Variants in PPP1R9A observed in about 807,000 individuals in gnomAD.
The protein encoded by PPP1R9A is protein phosphatase 1 regulatory subunit 9A.
In PPP1R9A, 59 loss-of-function variants were observed where a neutral mutation model predicts 141.9. The observed-to-expected ratio is 0.42, with a 90% CI of 0.34 to 0.52. PPP1R9A has a LOEUF of 0.52. PPP1R9A is among the 20% of genes least tolerant of loss of function. The pLI is 0.10. For synonymous variants in PPP1R9A, 500 were observed against 569.7 expected (o/e 0.88, Z 1.74); for missense variants, 1,444 against 1,611.9 (o/e 0.90, Z 1.78).
intron 2 of PPP1R9A, among the ~76,000 whole-genome samples, chr7:95,026,270 C>G (rs541835533): frequency 6.6e-6 from 1 of 152,132 alleles, no homozygotes; most frequent in East Asian, 1.9e-4. Context: ...GTGTGCACAT[C>G]CTTTTTGTTG....
rs769147347 is a variant in PPP1R9A, at chr7:94,910,986, G to C, written c.873G>C (p.Ser291=). The change falls in exon 2 of 20, where the codon TCG becomes TCC. Residue 291 remains serine (S), a synonymous_variant. Transcript: ENST00000433360. This position sits in a 1 kb window ranked among gnomAD's most constrained non-coding sequence, Gnocchi z 4.5. ...EVASKSTSLA[S]IPGEEIQQSK... ...CTTCTAAAAGTACCTCTCTAGCTTCGATACCTGGTGAAGAGATCCAGCAGA... is the reference window on the plus strand; with the variant it reads ...CTTCTAAAAGTACCTCTCTAGCTTCCATACCTGGTGAAGAGATCCAGCAGA... 6 of 1,613,908 alleles carry C rather than the reference G, an allele frequency of 3.7e-6. No homozygotes were observed. Among genetic ancestry groups the C allele is most frequent in the Non-Finnish European group, 5.1e-6 (6 of 1,180,012 alleles).
chr7:95,167,253 A>G (rs1231202816), intron 5 of PPP1R9A, among the ~76,000 whole-genome samples: 1 of 152,140 alleles, frequency 6.6e-6, no homozygotes, highest in Non-Finnish European at 1.5e-5. Flanking sequence ...AGACCCATTC[A>G]CTATCACAAG....
At chr7:94,961,794 A>T (rs1424925198) in intron 2 of PPP1R9A, among the ~76,000 whole-genome samples, 4 of 152,088 alleles carry the variant, frequency 2.6e-5, no homozygotes, top group Admixed American at 6.5e-5. Context: ...AATTAAGCAC[A>T]AATCGTAGAA....
chr7:95,056,407 T>G (rs1035229313), intron 2 of PPP1R9A, among the ~76,000 whole-genome samples: 9 of 152,164 alleles, frequency 5.9e-5, no homozygotes, highest in Non-Finnish European at 7.4e-5. Context: ...ATAATTTCAG[T>G]ATAACACTGG....
At chr7:95,071,042 A>G (rs1813749360) in intron 2 of PPP1R9A, among the ~76,000 whole-genome samples, 1 of 151,958 alleles carries the variant, frequency 6.6e-6, no homozygotes, top group Non-Finnish European at 1.5e-5. Context: ...ATCAAACTGG[A>G]AGGTAGTTTT....
intron 5 of PPP1R9A, among the ~76,000 whole-genome samples, chr7:95,165,837 A>G (rs891613059): frequency 6.6e-6 from 1 of 152,172 alleles, no homozygotes; most frequent in African/African-American, 2.4e-5. Flanking sequence ...GGGCTTAAAG[A>G]AGAAAACTAT....
chr7:95,145,748 G>A (rs1186389279), intron 4 of PPP1R9A, among the ~76,000 whole-genome samples: 1 of 152,156 alleles, frequency 6.6e-6, no homozygotes, highest in Non-Finnish European at 1.5e-5. Context: ...AGAACATGTG[G>A]TGTTTGGTTT....
At chr7:95,032,776 G>A (rs1807867852) in intron 2 of PPP1R9A, among the ~76,000 whole-genome samples, 1 of 152,046 alleles carries the variant, frequency 6.6e-6, no homozygotes, top group Admixed American at 6.5e-5. Context: ...ACAAAAGTGT[G>A]TAAAACTGTC....
At chr7:95,209,789 A>G (rs987450735) in intron 7 of PPP1R9A, among the ~76,000 whole-genome samples, 8 of 152,194 alleles carry the variant, frequency 5.3e-5, no homozygotes, top group African/African-American at 1.9e-4. Flanking sequence ...TATAAACACC[A>G]TATTTTTCAA....
chr7:95,078,872 G>A (rs543225345), intron 2 of PPP1R9A, among the ~76,000 whole-genome samples: 3 of 151,976 alleles, frequency 2.0e-5, no homozygotes, highest in Admixed American at 6.6e-5. Context: ...TGTAGATTCT[G>A]GATATTAGCC....
chr7:95,030,779 TCTTC>T (rs1328812468), intron 2 of PPP1R9A, among the ~76,000 whole-genome samples: 1 of 152,198 alleles, frequency 6.6e-6, no homozygotes, highest in Non-Finnish European at 1.5e-5. Context: ...AATCTCTTAC[TCTTC>T]CTTTAGAAGG....
At chr7:95,077,682 A>G (rs1001019976) in intron 2 of PPP1R9A, among the ~76,000 whole-genome samples, 1 of 152,226 alleles carries the variant, frequency 6.6e-6, no homozygotes. Flanking sequence ...TAAGGGAGGT[A>G]TGTAAGAAAT....
At position 94,911,279 on chromosome 7, in the gene PPP1R9A, A is replaced by C. The variant is rs771016987; in HGVS notation, c.1166A>C (p.Asn389Thr). ...AAAGAAGTACCTGAAGATTCAAATA[A>C]TTTTGATGGTTCCCATGTGTACATG... ...CGKEVPEDSN[N>T]FDGSHVYMHS... Residue 389 changes from asparagine (N) to threonine (T), a missense_variant, in exon 2 of 20, where the codon AAT becomes ACT. Around this residue, in one of 5 missense-constraint regions of PPP1R9A, gnomAD observed 490 missense variants for 521.1 expected, o/e 0.94. Transcript: ENST00000433360. 6.2e-7 allele frequency: 1 copy of C among 1,614,116 alleles called. No homozygotes were observed. The highest frequency in any genetic ancestry group is 1.7e-5 in the Admixed American group (1 of 60,028).
chr7:95,024,664 G>A (rs1305363961), intron 2 of PPP1R9A, among the ~76,000 whole-genome samples: 1 of 151,868 alleles, frequency 6.6e-6, no homozygotes, highest in Non-Finnish European at 1.5e-5. Context: ...TTGAGCCTAT[G>A]TGTATCTTAG....
chr7:95,275,236 C>G (rs185736272), intron 16 of PPP1R9A, among the ~76,000 whole-genome samples: 1 of 151,798 alleles, frequency 6.6e-6, no homozygotes, highest in Non-Finnish European at 1.5e-5. Flanking sequence ...GGCGAAACCC[C>G]GTCTCTACCA....
rs117526078 is a variant in PPP1R9A, at chr7:95,156,645, T to A, written c.1650-5222T>A. On this transcript the variant is annotated intron_variant, in intron 4 of 19. Transcript: ENST00000433360. ...ACAGCCAGGATGTTCCAATGAGAGT[T>A]CAGCTCCTAGCAGAAAGGAGACCCT... The A allele has an allele frequency of 9.5e-3, 1,445 of 152,338 alleles. 12 individuals are homozygous for A. The highest frequency in any genetic ancestry group is 0.014 in the Non-Finnish European group (960 of 68,130). 9.4% of individuals were successfully genotyped at this position (152,338 alleles called of 1,614,324 possible).
chr7:94,919,787 A>G (rs1792558823), intron 2 of PPP1R9A, among the ~76,000 whole-genome samples: 2 of 152,140 alleles, frequency 1.3e-5, no homozygotes, highest in Admixed American at 6.5e-5. Flanking sequence ...ATATTACTAT[A>G]TAGTCTATAT....
At chr7:94,968,258 C>T (rs1434555907) in intron 2 of PPP1R9A, among the ~76,000 whole-genome samples, 4 of 151,640 alleles carry the variant, frequency 2.6e-5, no homozygotes, top group Middle Eastern at 3.2e-3. Flanking sequence ...CTGCAAGCTC[C>T]GCCTCCCGGG....
intron 2 of PPP1R9A, among the ~76,000 whole-genome samples, chr7:94,928,056 C>G (rs1023116574): frequency 7.2e-5 from 11 of 152,124 alleles, no homozygotes; most frequent in African/African-American, 2.7e-4. Flanking sequence ...TGCTCCTAAG[C>G]AGGGGAGTCT....
Sources: gnomAD v4.1 joint callset for allele counts (sites outside exome capture counted in the v4.1 genomes callset) on GRCh38, gnomAD v4.1.1 for gene constraint, gnomAD v4.1.1 regional missense constraint, Gnocchi (gnomAD v3.1) non-coding constraint, MANE v1.5 for transcripts, NCBI Gene and HGNC (gene_info 2026-07-23, HGNC 2026-07-21) for gene names.